CUL2: variants seen among roughly 807,000 people sequenced by gnomAD.
The protein encoded by CUL2 is cullin 2, also known as cullin-2.
Under a neutral mutation model 110.2 loss-of-function variants are expected in CUL2, and 22 were observed. The observed-to-expected ratio is 0.20, with a 90% CI of 0.14 to 0.28. The LOEUF (loss-of-function observed/expected upper bound fraction) is 0.28, where lower values mean the gene tolerates loss of function less well. Ranked by LOEUF, CUL2 falls within the 10% of genes least tolerant of loss-of-function variation. The probability of loss-of-function intolerance (pLI) is 1.00; values close to 1 mark genes in which losing one functional copy is unlikely to be tolerated. For missense variants in CUL2, 631 were observed against 905.5 expected, an observed-to-expected ratio of 0.70 and a Z score of 3.89; for synonymous variants, 279 against 293.2, an observed-to-expected ratio of 0.95 and a Z score of 0.49.
chr10:35,026,371 CTA>C (rs1339242064), intron 16 of CUL2, among the ~76,000 whole-genome samples: 1 of 152,168 alleles, frequency 6.6e-6, no homozygotes, highest in Non-Finnish European at 1.5e-5. Context: ...TCAATCACTA[CTA>C]TATAATTCAC....
At chr10:35,045,908 C>A (rs573750969) in intron 6 of CUL2, among the ~76,000 whole-genome samples, 1 of 152,068 alleles carries the variant, frequency 6.6e-6, no homozygotes, top group Non-Finnish European at 1.5e-5. Context: ...AATAATGTCA[C>A]AAAGAGAGCA....
At chr10:35,024,078 A>C (rs540877987) in intron 17 of CUL2, among the ~76,000 whole-genome samples, 1 of 152,270 alleles carries the variant, frequency 6.6e-6, no homozygotes, top group African/African-American at 2.4e-5. Flanking sequence ...TAAGTGACCC[A>C]CCTGTCTCAG....
intron 5 of CUL2, among the ~76,000 whole-genome samples, chr10:35,051,846 G>A (rs891064303): frequency 1.3e-5 from 2 of 152,134 alleles, no homozygotes; most frequent in African/African-American, 2.4e-5. Context: ...GTCTGTCCCA[G>A]TAAATCAACT....
chr10:35,040,810 G>A (rs1427400154), intron 8 of CUL2, among the ~76,000 whole-genome samples: 1 of 152,172 alleles, frequency 6.6e-6, no homozygotes, highest in African/African-American at 2.4e-5. Context: ...TTCTTCTAAA[G>A]AGCGCACATC....
intron 2 of CUL2, among the ~76,000 whole-genome samples, chr10:35,067,199 G>A (rs550950076): frequency 2.6e-5 from 4 of 151,664 alleles, no homozygotes; most frequent in African/African-American, 9.7e-5. Flanking sequence ...AATGGTGGGA[G>A]GATGAACTCA....
intron 1 of CUL2, among the ~76,000 whole-genome samples, chr10:35,112,936 G>A (rs1206414880): frequency 3.3e-5 from 5 of 152,054 alleles, no homozygotes; most frequent in Non-Finnish European, 5.9e-5. Context: ...GCTCACGTCT[G>A]TAATCCCAGT....
At chr10:35,105,597 C>A (rs995886656) in intron 1 of CUL2, among the ~76,000 whole-genome samples, 1 of 145,710 alleles carries the variant, frequency 6.9e-6, no homozygotes, top group Non-Finnish European at 1.5e-5. Context: ...AGTCCCAGCT[C>A]CTCAGGAGGC....
intron 17 of CUL2, among the ~76,000 whole-genome samples, chr10:35,021,301 G>GT (rs2085175577): frequency 6.6e-6 from 1 of 150,428 alleles, no homozygotes; most frequent in South Asian, 2.1e-4. Flanking sequence ...CTGTCGCCCA[G>GT]GCTGGAGTGC....
rs554547569 is a variant in CUL2 at position 35,118,795 on chromosome 10, T to A, written c.-51+7810A>T. ...TGGTTTGTGCTGCTCCACAAGAGTT[T>A]AGGACTTGGGAAAAAGGTATATCTC... On this transcript the variant is annotated intron_variant, in intron 1 of 5. Coordinates refer to the CUL2 transcript ENST00000685421. The A allele has an allele frequency of 3.3e-5, 5 of 152,344 alleles. No individual in the cohort carries two copies. In the East Asian group the frequency reaches 9.7e-4, roughly 29 times the overall value. 9.4% of individuals were successfully genotyped at this position (152,344 alleles called of 1,614,324 possible).
At chr10:35,038,885 T>G (rs955972085) in intron 9 of CUL2, 35 bp downstream of exon 9, 5 of 1,451,210 alleles carry the variant, frequency 3.4e-6, no homozygotes, top group African/African-American at 1.4e-5. Flanking sequence ...GGTGGATTTA[T>G]AATTTAATTT....
chr10:35,053,233 T>C (rs1348318415), intron 5 of CUL2, among the ~76,000 whole-genome samples: 2 of 152,220 alleles, frequency 1.3e-5, no homozygotes, highest in Non-Finnish European at 2.9e-5. Flanking sequence ...GAATGATTTA[T>C]TCACTTACAA....
intron 8 of CUL2, among the ~76,000 whole-genome samples, chr10:35,039,842 G>T (rs1428505178): frequency 6.6e-6 from 1 of 151,406 alleles, no homozygotes; most frequent in Non-Finnish European, 1.5e-5. Flanking sequence ...GTGACAGAGT[G>T]AGACACTGTC....
chr10:35,049,915 A>T, intron 5 of CUL2, 150 bp from the exon 6 acceptor site: 1 of 563,764 alleles, frequency 1.8e-6, no homozygotes. Context: ...AAAATTTAAA[A>T]ACTCAAAGAA....
At chr10:35,054,155 C>T (rs1366907702) in intron 5 of CUL2, among the ~76,000 whole-genome samples, 1 of 152,104 alleles carries the variant, frequency 6.6e-6, no homozygotes, top group Non-Finnish European at 1.5e-5. Flanking sequence ...ACTACAGGGC[C>T]GTCAACACTT....
intron 1 of CUL2, among the ~76,000 whole-genome samples, chr10:35,086,714 A>G (rs1287133449): frequency 1.3e-5 from 2 of 151,598 alleles, no homozygotes; most frequent in African/African-American, 2.4e-5. Flanking sequence ...AGCGAACACC[A>G]TCTCAAAATA....
intron 1 of CUL2, among the ~76,000 whole-genome samples, chr10:35,076,831 CCTGAGGTCAGGAGTTCGAGATCAG>C (rs2086830851): frequency 6.6e-6 from 1 of 152,060 alleles, no homozygotes; most frequent in African/African-American, 2.4e-5. Flanking sequence ...GGGTGGATCA[CCTGAGGTCAGGAGTTCGAGATCAG>C]CTGGCTGACA....
intron 8 of CUL2, among the ~76,000 whole-genome samples, chr10:35,039,914 A>G (rs911353323): frequency 1.3e-5 from 2 of 152,150 alleles, no homozygotes; most frequent in Admixed American, 1.3e-4. Context: ...GCACTTTGGG[A>G]GGCCGAGGTG....
intron 9 of CUL2, among the ~76,000 whole-genome samples, chr10:35,036,205 C>T (rs1452343156): frequency 6.6e-6 from 1 of 152,192 alleles, no homozygotes; most frequent in Non-Finnish European, 1.5e-5. Context: ...TGGGATCACA[C>T]AATTCTTTCG....
upstream of CUL2, among the ~76,000 whole-genome samples, chr10:35,095,393 A>C (rs1480076432): frequency 1.3e-5 from 2 of 152,106 alleles, no homozygotes; most frequent in African/African-American, 4.8e-5. Context: ...GAAATAGAGA[A>C]TCATGTTTGG....
Sources: allele counts gnomAD v4.1 joint callset (sites outside exome capture counted in the v4.1 genomes callset), GRCh38; gene constraint gnomAD v4.1.1; transcripts MANE v1.5; gene names NCBI Gene and HGNC (gene_info 2026-07-23, HGNC 2026-07-21).